TSHZ3: variants seen among roughly 807,000 people sequenced by gnomAD.
The protein encoded by TSHZ3 is teashirt homolog 3.
A neutral mutation model predicts 64.5 loss-of-function variants in TSHZ3; 10 were observed. The observed-to-expected ratio is 0.16, with a 90% CI of 0.10 to 0.26. TSHZ3 has a LOEUF of 0.26. Ranked by LOEUF, TSHZ3 falls within the 10% of genes least tolerant of loss-of-function variation. The pLI is 1.00. For missense variants in TSHZ3, 1,242 were observed against 1,421.7 expected (o/e 0.87, Z 2.03); for synonymous variants, 608 against 593.1 (o/e 1.03, Z -0.36).
chr19:31,345,619 T>C (rs1917567497), intron 1 of TSHZ3, among the ~76,000 whole-genome samples: 1 of 152,326 alleles, frequency 6.6e-6, no homozygotes, highest in African/African-American at 2.4e-5. Flanking sequence ...CACGGAACAT[T>C]ACCCCCTTTC....
chr19:31,240,930 T>G (rs1245448760), intron 3 of TSHZ3, among the ~76,000 whole-genome samples: 2 of 152,194 alleles, frequency 1.3e-5, no homozygotes, highest in Admixed American at 6.5e-5. Context: ...TAGGACCATA[T>G]TTTTCTTTAA....
At chr19:31,165,046 G>A (rs1974427675) in intron 5 of TSHZ3, among the ~76,000 whole-genome samples, 1 of 152,222 alleles carries the variant, frequency 6.6e-6, no homozygotes, top group African/African-American at 2.4e-5. Context: ...GTTTGTTCCT[G>A]CTCTGTGCAG....
intron 4 of TSHZ3, among the ~76,000 whole-genome samples, chr19:31,211,520 C>A (rs73031884): frequency 0.015 from 2,228 of 152,272 alleles, 18 homozygotes; most frequent in Non-Finnish European, 0.022. Flanking sequence ...CTGGGCTAGC[C>A]TGGGCTGGGG....
rs993647676 is a variant in TSHZ3 at position 31,349,302 on chromosome 19, G to C, written c.-83C>G. ...GGGAGGGAGGGGGCGGCGGGCCCGCGGGGGGGCGAGGCGGGCCTGCTCTCA... is the reference window on the plus strand; with the variant it reads ...GGGAGGGAGGGGGCGGCGGGCCCGCCGGGGGGCGAGGCGGGCCTGCTCTCA... On this transcript the variant is annotated 5_prime_UTR_variant, in exon 1 of 2. Coordinates refer to ENST00000240587, the MANE Select transcript of TSHZ3 (RefSeq NM_020856.4). 10 of 1,374,520 alleles carry C rather than the reference G, an allele frequency of 7.3e-6. No homozygotes were observed. The highest frequency in any genetic ancestry group is 1.5e-5 in the African/African-American group (1 of 65,268). The allele number at this position is 1,374,520 out of a possible 1,614,324, so 85.1% of individuals were successfully genotyped here.
At position 31,278,259 on chromosome 19, in the gene TSHZ3, A is replaced by G; in HGVS notation, c.1534T>C (p.Leu512=). The G allele has an allele frequency of 6.2e-7, 1 of 1,614,118 alleles. No homozygotes were observed. The highest frequency in any genetic ancestry group is 8.5e-7 in the Non-Finnish European group (1 of 1,180,042). Residue 512 remains leucine, a synonymous_variant, in exon 2 of 2, where the codon TTA becomes CTA. Coordinates refer to ENST00000240587, the MANE Select transcript of TSHZ3 (RefSeq NM_020856.4). The surrounding 1 kb of genome is among the most constrained non-coding windows in gnomAD (Gnocchi z 4.7). ...SKYHYLTEND[L]EESPKGGLDI... ...AGCCCCCCCTTGGGACTCTCTTCTAAGTCATTTTCAGTCAAGTAATGGTAT... is the reference window on the plus strand; with the variant it reads ...AGCCCCCCCTTGGGACTCTCTTCTAGGTCATTTTCAGTCAAGTAATGGTAT...
At chr19:31,258,583 C>A (rs1975944210) in intron 1 of TSHZ3, among the ~76,000 whole-genome samples, 1 of 152,210 alleles carries the variant, frequency 6.6e-6, no homozygotes, top group South Asian at 2.1e-4. Context: ...TCTGTCTCCC[C>A]CACTGATCTG....
chr19:31,342,280 G>A (rs574127468), intron 1 of TSHZ3, among the ~76,000 whole-genome samples: 88 of 152,290 alleles, frequency 5.8e-4, no homozygotes, highest in Non-Finnish European at 1.1e-3. Flanking sequence ...CCACACCAAC[G>A]GCAGCTTTCT....
chr19:31,281,098 G>A (rs78259587), intron 1 of TSHZ3, among the ~76,000 whole-genome samples: 4,935 of 152,232 alleles, frequency 0.032, 225 homozygotes, highest in Admixed American at 0.1. Context: ...TGGTTGGAAC[G>A]TTGCAGTGCT....
At position 31,204,593 on chromosome 19, in the gene TSHZ3, T is replaced by G. The variant is rs192277775; in HGVS notation, n.809+363A>C. ...GCCATGAGTAGAATGTTGTTGTTAT[T>G]GTTGTTTTAATCTTTAGATGTGTGT... On this transcript the variant is annotated intron_variant and non_coding_transcript_variant, in intron 5 of 6. Coordinates refer to the TSHZ3 transcript ENST00000651361. 1.3e-3 allele frequency among the ~76,000 whole-genome samples: 201 copies of G among 152,346 alleles called. 1 individual carries two copies. The highest frequency in any genetic ancestry group is 4.5e-3 in the African/African-American group (188 of 41,572).
chr19:31,158,871 T>C (rs1169380769), intron 5 of TSHZ3, among the ~76,000 whole-genome samples: 1 of 152,134 alleles, frequency 6.6e-6, no homozygotes. Flanking sequence ...ATGTTACTGC[T>C]GATCTGACAG....
chr19:31,296,019 A>G (rs1347287724), intron 1 of TSHZ3, among the ~76,000 whole-genome samples: 1 of 149,924 alleles, frequency 6.7e-6, no homozygotes, highest in Non-Finnish European at 1.5e-5. Context: ...GTTTAAAAAT[A>G]ATGATAATTC....
exon 7 of TSHZ3, among the ~76,000 whole-genome samples, chr19:31,151,621 C>G (rs1265128451): frequency 6.6e-6 from 1 of 152,180 alleles, no homozygotes; most frequent in African/African-American, 2.4e-5. Context: ...CCAGCATCCC[C>G]CTTTGCACAG....
chr19:31,221,891 G>GT (rs530100711), intron 4 of TSHZ3, among the ~76,000 whole-genome samples: 124 of 152,284 alleles, frequency 8.1e-4, no homozygotes, highest in African/African-American at 3.0e-3. Context: ...CTTGGGTCTT[G>GT]TAAGACTGCA....
intron 1 of TSHZ3, among the ~76,000 whole-genome samples, chr19:31,291,450 A>T (rs1976563532): frequency 6.6e-6 from 1 of 152,214 alleles, no homozygotes; most frequent in African/African-American, 2.4e-5. Context: ...GGAGGAGGCC[A>T]GAACGTCAGG....
intron 1 of TSHZ3, among the ~76,000 whole-genome samples, chr19:31,291,550 G>A (rs1358124395): frequency 6.6e-6 from 1 of 152,194 alleles, no homozygotes; most frequent in Non-Finnish European, 1.5e-5. Flanking sequence ...CTCTGCTGCA[G>A]TTAGGGCACC....
In TSHZ3 at chr19:31,300,840, T is replaced by C. The variant is rs139793175; in HGVS notation, c.41-21088A>G. On this transcript the variant is annotated intron_variant, in intron 1 of 1. Transcript: ENST00000240587. ...CCAGCTAGATGACCACTTACAAGAT[T>C]GATAATGACAAAGTAAATGTTGTCA... Among the ~76,000 whole-genome samples the C allele has an allele frequency of 2.4e-3, 363 of 152,098 alleles. 3 individuals carry two copies. Among genetic ancestry groups the C allele is most frequent in the Non-Finnish European group, 4.6e-3 (313 of 67,994 alleles).
At chr19:31,298,653 G>A (rs771176409) in intron 1 of TSHZ3, among the ~76,000 whole-genome samples, 23 of 152,056 alleles carry the variant, frequency 1.5e-4, no homozygotes, top group African/African-American at 3.1e-4. Flanking sequence ...GCACATGATC[G>A]CTGCCCAGCT....
intron 5 of TSHZ3, among the ~76,000 whole-genome samples, chr19:31,162,519 T>C (rs935555295): frequency 6.6e-6 from 1 of 152,188 alleles, no homozygotes; most frequent in Admixed American, 6.5e-5. Flanking sequence ...TCTTGGATTT[T>C]CCTGGGGCAT....
downstream of TSHZ3, among the ~76,000 whole-genome samples, chr19:31,274,135 G>T (rs866549829): frequency 1.8e-4 from 26 of 146,880 alleles, no homozygotes; most frequent in East Asian, 6.0e-4. Context: ...TAAAATATGT[G>T]TTTTTTTTTT....
Sources: allele counts gnomAD v4.1 joint callset (sites outside exome capture counted in the v4.1 genomes callset), GRCh38; gene constraint gnomAD v4.1.1; non-coding constraint Gnocchi (gnomAD v3.1); transcripts MANE v1.5; gene names NCBI Gene and HGNC (gene_info 2026-07-23, HGNC 2026-07-21).